The following ARHGAP26 variants were observed in gnomAD, a reference collection of about 807,000 sequenced individuals.
The protein encoded by ARHGAP26 is rho GTPase-activating protein 26.
In ARHGAP26, 38 loss-of-function variants were observed where a neutral mutation model predicts 104.8. The ratio of observed to expected loss-of-function variants is 0.36; its 90% CI spans 0.28 to 0.48. ARHGAP26 has a LOEUF of 0.48. ARHGAP26 is among the 20% of genes least tolerant of loss of function. The probability of loss-of-function intolerance (pLI) is 0.99; values close to 1 mark genes in which losing one functional copy is unlikely to be tolerated. For missense variants in ARHGAP26, 704 were observed against 947.9 expected (o/e 0.74, Z 3.38); for synonymous variants, 341 against 340.0 (o/e 1.00, Z -0.03).
chr5:143,039,761 A>G (rs1264885466), intron 13 of ARHGAP26, among the ~76,000 whole-genome samples: 1 of 152,276 alleles, frequency 6.6e-6, no homozygotes, highest in East Asian at 1.9e-4. Context: ...AGTAAATGCA[A>G]ACTGGTAGCT....
intron 1 of ARHGAP26, among the ~76,000 whole-genome samples, chr5:142,782,489 A>G (rs1210340429): frequency 1.3e-5 from 2 of 152,082 alleles, no homozygotes; most frequent in African/African-American, 4.8e-5. Context: ...TGGGCATGGG[A>G]CATTTTAAAA....
At chr5:142,804,899 T>C (rs1225601277) in intron 1 of ARHGAP26, among the ~76,000 whole-genome samples, 4 of 152,200 alleles carry the variant, frequency 2.6e-5, no homozygotes, top group Non-Finnish European at 5.9e-5. Flanking sequence ...GTGTTTTGTA[T>C]GTGGGCCATT....
chr5:143,054,891 A>T (rs896526096), intron 15 of ARHGAP26, among the ~76,000 whole-genome samples: 1 of 152,242 alleles, frequency 6.6e-6, no homozygotes, highest in Non-Finnish European at 1.5e-5. Context: ...TACATACCTC[A>T]TGTATTTTGA....
At chr5:142,843,118 A>G (rs1771134584) in intron 1 of ARHGAP26, among the ~76,000 whole-genome samples, 1 of 152,140 alleles carries the variant, frequency 6.6e-6, no homozygotes, top group African/African-American at 2.4e-5. Context: ...ATGTCTGGAA[A>G]AGCTTGCCAT....
At chr5:143,167,240 G>A (rs1802088752) in intron 20 of ARHGAP26, among the ~76,000 whole-genome samples, 1 of 150,918 alleles carries the variant, frequency 6.6e-6, no homozygotes, top group Non-Finnish European at 1.5e-5. Flanking sequence ...GCCAAGGTGG[G>A]TGGATCACTT....
intron 1 of ARHGAP26, among the ~76,000 whole-genome samples, chr5:142,823,519 CTT>C (rs1006747330): frequency 2.6e-5 from 4 of 152,018 alleles, no homozygotes; most frequent in Admixed American, 2.0e-4. Context: ...ATACACCACT[CTT>C]TTTGTTTTTG....
intron 14 of ARHGAP26, among the ~76,000 whole-genome samples, chr5:143,047,830 T>A (rs958203770): frequency 5.3e-5 from 8 of 152,008 alleles, no homozygotes; most frequent in African/African-American, 1.9e-4. Flanking sequence ...TTGTTTTATT[T>A]TTATTATTAT....
chr5:142,829,823 C>T (rs914099789), intron 1 of ARHGAP26, among the ~76,000 whole-genome samples: 2 of 152,196 alleles, frequency 1.3e-5, no homozygotes, highest in Non-Finnish European at 2.9e-5. Flanking sequence ...GTTTTCCACT[C>T]ATGACACTGA....
At position 143,160,438 on chromosome 5, in the gene ARHGAP26, G is replaced by GC. The variant is rs1269252980; in HGVS notation, c.1988+13057_1988+13058insC. ...CTAAATGAGATGCTATTTGACAGAA[G>GC]AGTAAGGCCTTTACCAAGAAGTTGT... is the stretch of plus-strand genomic sequence containing the variant. On this transcript the variant is annotated intron_variant, in intron 20 of 22. Coordinates refer to ENST00000645722, the MANE Select transcript of ARHGAP26 (RefSeq NM_001135608.3). 2.5e-4 allele frequency among the ~76,000 whole-genome samples: 38 copies of GC among 151,698 alleles called. 1 individual carries two copies. Among genetic ancestry groups the GC allele is most frequent in the East Asian group, 2.1e-3 (11 of 5,152 alleles).
chr5:143,110,640 A>C (rs1248059206), intron 17 of ARHGAP26, among the ~76,000 whole-genome samples: 1 of 152,216 alleles, frequency 6.6e-6, no homozygotes, highest in African/African-American at 2.4e-5. Flanking sequence ...CTAATCAATA[A>C]ATCAATGATA....
At chr5:142,937,105 A>AT (rs1364879977) in intron 11 of ARHGAP26, among the ~76,000 whole-genome samples, 1 of 152,174 alleles carries the variant, frequency 6.6e-6, no homozygotes, top group Non-Finnish European at 1.5e-5. Context: ...GGTAGAAAAT[A>AT]TTTGCAAAAA....
intron 10 of ARHGAP26, among the ~76,000 whole-genome samples, chr5:142,926,466 C>T (rs917304348): frequency 1.3e-4 from 20 of 152,166 alleles, no homozygotes; most frequent in African/African-American, 4.6e-4. Context: ...ATTTTTAAGT[C>T]ATTTGCTCCT....
intron 14 of ARHGAP26, among the ~76,000 whole-genome samples, chr5:143,042,366 G>T (rs246664): frequency 0.21 from 32,683 of 152,112 alleles, 6,400 homozygotes; most frequent in African/African-American, 0.52. Flanking sequence ...TATAACCAGA[G>T]AAATCTTCTG....
intron 1 of ARHGAP26, among the ~76,000 whole-genome samples, chr5:142,776,864 C>T (rs1332633270): frequency 1.3e-5 from 2 of 152,124 alleles, no homozygotes; most frequent in Admixed American, 6.5e-5. Flanking sequence ...ACAGAAGCAC[C>T]GTTTCACATT....
chr5:143,076,043 A>G (rs939302529), intron 17 of ARHGAP26, among the ~76,000 whole-genome samples: 1 of 152,000 alleles, frequency 6.6e-6, no homozygotes, highest in Admixed American at 6.6e-5. Context: ...TCTGTCACCC[A>G]GGCTGGAATA....
intron 11 of ARHGAP26, among the ~76,000 whole-genome samples, chr5:142,963,183 T>TATATATATAC (rs1770616457): frequency 9.3e-6 from 1 of 107,426 alleles, no homozygotes; most frequent in African/African-American, 5.1e-5. Context: ...TATATATATA[T>TATATATATAC]ATATATATAT....
At chr5:142,878,491 G>A (rs1756454713) in intron 3 of ARHGAP26, among the ~76,000 whole-genome samples, 1 of 152,050 alleles carries the variant, frequency 6.6e-6, no homozygotes, top group Admixed American at 6.5e-5. Flanking sequence ...GATAGTGGTG[G>A]CAAAGTGAGC....
intron 17 of ARHGAP26, among the ~76,000 whole-genome samples, chr5:143,119,569 A>G (rs980957792): frequency 6.6e-6 from 1 of 152,230 alleles, no homozygotes; most frequent in African/African-American, 2.4e-5. Context: ...AATGGAAAAC[A>G]TAAGTAAAAC....
At chr5:143,213,314 A>G (rs534426801) in intron 21 of ARHGAP26, among the ~76,000 whole-genome samples, 4 of 152,278 alleles carry the variant, frequency 2.6e-5, no homozygotes, top group Admixed American at 6.5e-5. Flanking sequence ...AAAATGCCTC[A>G]TGTCCCCTCT....
Sources: gnomAD v4.1 joint callset for allele counts (sites outside exome capture counted in the v4.1 genomes callset) on GRCh38, gnomAD v4.1.1 for gene constraint, MANE v1.5 for transcripts, NCBI Gene and HGNC (gene_info 2026-07-23, HGNC 2026-07-21) for gene names.